COBL: variants seen among roughly 807,000 people sequenced by gnomAD.
The protein encoded by COBL is cordon-bleu WH2 repeat protein.
In COBL, 51 loss-of-function variants were observed where a neutral mutation model predicts 98.8. That is an observed-to-expected ratio of 0.52 (90% CI 0.41 to 0.65). COBL has a LOEUF of 0.65. Ranked by LOEUF, COBL falls within the 30% of genes least tolerant of loss-of-function variation. The probability of loss-of-function intolerance (pLI) is 0.00; values close to 1 mark genes in which losing one functional copy is unlikely to be tolerated. For missense variants in COBL, 1,617 were observed against 1,617.5 expected (o/e 1.00, Z 0.01); for synonymous variants, 634 against 651.7 (o/e 0.97, Z 0.41).
At chr7:51,218,632 C>T (rs1298337391) in intron 2 of COBL, among the ~76,000 whole-genome samples, 1 of 152,154 alleles carries the variant, frequency 6.6e-6, no homozygotes, top group Non-Finnish European at 1.5e-5. Flanking sequence ...CACCTCTATG[C>T]CTGGCTAATT....
intron 2 of COBL, among the ~76,000 whole-genome samples, chr7:51,207,851 C>A (rs1325957823): frequency 6.6e-6 from 1 of 152,172 alleles, no homozygotes; most frequent in East Asian, 1.9e-4. Context: ...CCGGCCACCA[C>A]CCCGTCTGGG....
intron 1 of COBL, among the ~76,000 whole-genome samples, chr7:51,261,647 T>C (rs1307671593): frequency 6.6e-6 from 1 of 152,144 alleles, no homozygotes; most frequent in Non-Finnish European, 1.5e-5. Context: ...AGCCCAGTTG[T>C]ACAGGCCCTG....
At chr7:51,156,268 G>A in intron 5 of COBL, 1 of 984,928 alleles carries the variant, frequency 1.0e-6, no homozygotes. Context: ...TATTTTTCTT[G>A]TTGTGGTTCT....
chr7:51,117,054 G>A (rs934552885), intron 6 of COBL, among the ~76,000 whole-genome samples: 1 of 151,512 alleles, frequency 6.6e-6, no homozygotes, highest in African/African-American at 2.4e-5. Flanking sequence ...ATTTACATTA[G>A]GTATATCTCC....
chr7:51,040,266 A>AC (rs1789050291), intron 8 of COBL, among the ~76,000 whole-genome samples: 1 of 151,828 alleles, frequency 6.6e-6, no homozygotes, highest in African/African-American at 2.4e-5. Flanking sequence ...CTCCCCTCAA[A>AC]AACACACACA....
At chr7:51,065,489 CCG>C in intron 7 of COBL, 1 of 673,880 alleles carries the variant, frequency 1.5e-6, no homozygotes, top group South Asian at 1.6e-5. Context: ...AGGGCAGAGG[CCG>C]AATGCACGCA....
chr7:51,213,356 T>C (rs553275536), intron 2 of COBL, among the ~76,000 whole-genome samples: 2 of 152,310 alleles, frequency 1.3e-5, no homozygotes, highest in South Asian at 2.1e-4. Flanking sequence ...TCGATTCTCA[T>C]AGGAGAGTCA....
At chr7:51,114,715 C>G (rs1797125162) in intron 6 of COBL, among the ~76,000 whole-genome samples, 1 of 152,170 alleles carries the variant, frequency 6.6e-6, no homozygotes, top group South Asian at 2.1e-4. Flanking sequence ...GCATTTATTC[C>G]TTAGCACAGA....
chr7:51,150,973 C>A (rs1199922492), intron 5 of COBL, among the ~76,000 whole-genome samples: 3 of 152,058 alleles, frequency 2.0e-5, no homozygotes, highest in Non-Finnish European at 4.4e-5. Context: ...CACCTGCCCC[C>A]CTCCCCGCCC....
At position 51,083,853 on chromosome 7, in the gene COBL, G is replaced by T. The variant is rs530353835; in HGVS notation, c.1096+1313C>A. Among the ~76,000 whole-genome samples, 13 of 152,282 alleles carry T rather than the reference G, an allele frequency of 8.5e-5. No homozygotes were observed. In the East Asian group the frequency reaches 2.5e-3, roughly 30 times the overall value. On this transcript the variant is annotated intron_variant, in intron 7 of 12. Coordinates refer to ENST00000265136, the MANE Select transcript of COBL (RefSeq NM_015198.5). ...CAGGCCTCCAGGGCGGAATCAGGGG[G>T]TCCTGCCCTGGGTTGAAGTGACTGG...
At chr7:51,160,213 T>C (rs1306440786) in intron 5 of COBL, among the ~76,000 whole-genome samples, 1 of 152,188 alleles carries the variant, frequency 6.6e-6, no homozygotes, top group African/African-American at 2.4e-5. Context: ...GTCAAATAGG[T>C]ATGGAAAGAA....
chr7:51,169,944 T>C (rs772322874), intron 5 of COBL, among the ~76,000 whole-genome samples: 13 of 152,200 alleles, frequency 8.5e-5, no homozygotes, highest in Non-Finnish European at 1.9e-4. Flanking sequence ...AAGTATCTCC[T>C]GTACCCCATA....
intron 1 of COBL, chr7:51,259,561 A>G (rs1354996895): frequency 2.8e-6 from 2 of 724,844 alleles, no homozygotes; most frequent in Non-Finnish European, 5.0e-6. Context: ...CGCAAAAACC[A>G]TGAGATCTCC....
At chr7:51,143,337 G>T (rs1353375395) in intron 5 of COBL, among the ~76,000 whole-genome samples, 2 of 152,096 alleles carry the variant, frequency 1.3e-5, no homozygotes, top group African/African-American at 4.8e-5. Flanking sequence ...AATGAAAAAG[G>T]GAAGGTTTTT....
chr7:51,184,615 T>G (rs1789309335), intron 4 of COBL, among the ~76,000 whole-genome samples: 1 of 152,220 alleles, frequency 6.6e-6, no homozygotes, highest in Non-Finnish European at 1.5e-5. Flanking sequence ...ATCTAAAATA[T>G]TGTCATTCTA....
chr7:51,164,870 G>A (rs1787146259), intron 5 of COBL, among the ~76,000 whole-genome samples: 2 of 152,064 alleles, frequency 1.3e-5, no homozygotes, highest in Admixed American at 1.3e-4. Context: ...AAAAAGTGGG[G>A]AGATGAAGTT....
rs139202761 is a variant in COBL, at chr7:51,228,634, T to C, written c.42-8690A>G. Among the ~76,000 whole-genome samples, 1,204 of 152,018 alleles carry C rather than the reference T, an allele frequency of 7.9e-3. 16 individuals are homozygous for C. Among genetic ancestry groups the C allele is most frequent in the African/African-American group, 0.027 (1,137 of 41,460 alleles). Reference sequence around the variant, plus strand: ...CTCTAAGACATAATAACAAAACATATCCATAACACTCACCAAACTAAACTC... The same window carrying C: ...CTCTAAGACATAATAACAAAACATACCCATAACACTCACCAAACTAAACTC... On this transcript the variant is annotated intron_variant, in intron 1 of 12. Coordinates refer to ENST00000265136, the MANE Select transcript of COBL (RefSeq NM_015198.5).
intron 1 of COBL, among the ~76,000 whole-genome samples, chr7:51,279,616 C>A (rs1290246171): frequency 2.0e-5 from 3 of 152,188 alleles, no homozygotes; most frequent in Non-Finnish European, 2.9e-5. Flanking sequence ...CACTGATGAA[C>A]CTCTGTGGAC....
chr7:51,297,473 C>T (rs1452091263), intron 1 of COBL, among the ~76,000 whole-genome samples: 3 of 145,110 alleles, frequency 2.1e-5, no homozygotes, highest in Non-Finnish European at 4.5e-5. Flanking sequence ...CTCACTGCAA[C>T]CTCCGTCTCC....
Sources: gnomAD v4.1 joint callset for allele counts (sites outside exome capture counted in the v4.1 genomes callset) on GRCh38, gnomAD v4.1.1 for gene constraint, MANE v1.5 for transcripts, NCBI Gene and HGNC (gene_info 2026-07-23, HGNC 2026-07-21) for gene names.